The following PCSK5 variants were observed in gnomAD, a reference collection of about 807,000 sequenced individuals.
PCSK5 encodes prohormone convertase 5.
In PCSK5, 129 loss-of-function variants were observed where a neutral mutation model predicts 233.2. The observed-to-expected ratio is 0.55, with a 90% confidence interval of 0.48 to 0.64. The LOEUF (loss-of-function observed/expected upper bound fraction) is 0.64. PCSK5 is among the 30% of genes least tolerant of loss of function. The pLI, the probability that PCSK5 is intolerant of heterozygous loss-of-function variation, is 0.00. For synonymous variants in PCSK5, 825 were observed against 879.2 expected (o/e 0.94, Z 1.09); for missense variants, 2,076 against 2,430.1 (o/e 0.85, Z 3.06).
At chr9:76,090,756 A>T (rs1831252251) in intron 7 of PCSK5, among the ~76,000 whole-genome samples, 1 of 152,160 alleles carries the variant, frequency 6.6e-6, no homozygotes, top group Admixed American at 6.5e-5. Context: ...ATTCAAGCAC[A>T]TTACATTCAT....
intron 2 of PCSK5, among the ~76,000 whole-genome samples, chr9:75,938,098 T>C (rs754557687): frequency 1.3e-4 from 20 of 152,242 alleles, no homozygotes; most frequent in Non-Finnish European, 2.8e-4. Context: ...ACAGCTTGGC[T>C]GTTTGGCTCA....
intron 12 of PCSK5, among the ~76,000 whole-genome samples, chr9:76,164,256 C>T (rs1053111155): frequency 6.6e-5 from 10 of 152,196 alleles, no homozygotes; most frequent in Non-Finnish European, 1.2e-4. Context: ...CACCCAACCA[C>T]GTGAACCTTC....
chr9:76,205,501 C>CTTG (rs1825079380), intron 20 of PCSK5, among the ~76,000 whole-genome samples: 1 of 152,164 alleles, frequency 6.6e-6, no homozygotes, highest in Non-Finnish European at 1.5e-5. Context: ...AAACCCTCCT[C>CTTG]CAGAATCTAA....
intron 14 of PCSK5, among the ~76,000 whole-genome samples, chr9:76,177,056 G>A (rs529297278): frequency 1.4e-4 from 22 of 152,276 alleles, no homozygotes; most frequent in South Asian, 1.0e-3. Context: ...TTGGGAGGCC[G>A]AGGAGGGTGG....
At chr9:76,081,506 C>A (rs1228243782) in intron 7 of PCSK5, among the ~76,000 whole-genome samples, 5 of 150,208 alleles carry the variant, frequency 3.3e-5, no homozygotes, top group South Asian at 2.1e-4. Context: ...TAAATAAATA[C>A]ATAAAAGCAT....
intron 3 of PCSK5, among the ~76,000 whole-genome samples, chr9:76,017,902 G>A (rs1587503598): frequency 6.7e-6 from 1 of 149,778 alleles, no homozygotes; most frequent in African/African-American, 2.5e-5. Context: ...TCTCTACTTC[G>A]TATACCTCAA....
intron 2 of PCSK5, among the ~76,000 whole-genome samples, chr9:75,950,194 C>G (rs1252916299): frequency 6.7e-6 from 1 of 149,832 alleles, no homozygotes; most frequent in East Asian, 2.0e-4. Flanking sequence ...AGAGCTGCCA[C>G]AACAAGGGCC....
At position 76,353,669 on chromosome 9, in the gene PCSK5, G is replaced by T. The variant is rs10869763; in HGVS notation, c.5068-364G>T. 2.4e-3 allele frequency among the ~76,000 whole-genome samples: 365 copies of T among 152,094 alleles called. 4 individuals are homozygous for T. The highest frequency in any genetic ancestry group is 8.5e-3 in the African/African-American group (351 of 41,524). On this transcript the variant is annotated intron_variant, in intron 36 of 37. Transcript: ENST00000674117. Reference sequence around the variant, plus strand: ...GTGAAATATCCCACTTTTGAGATGCGGGAAATGAATGCAAAATATTTTAAA... The same window carrying T: ...GTGAAATATCCCACTTTTGAGATGCTGGAAATGAATGCAAAATATTTTAAA...
intron 20 of PCSK5, chr9:76,209,389 C>A: frequency 2.8e-6 from 1 of 358,562 alleles, no homozygotes. Flanking sequence ...CCGTACTAAT[C>A]ATGCAAAATT....
rs187108643 is a variant in PCSK5, at chr9:76,146,186, T to C, written c.1313-10859T>C. The stretch of plus-strand genomic sequence containing the variant: ...ATGGTATTATACCAGAAGACACAGT[T>C]CCCCCTGAAATTTCCAAAGTCATCC... On this transcript the variant is annotated intron_variant, in intron 10 of 37. Coordinates refer to ENST00000674117, the MANE Select transcript of PCSK5 (RefSeq NM_001372043.1). 3.3e-3 allele frequency among the ~76,000 whole-genome samples: 509 copies of C among 152,080 alleles called. 2 individuals are homozygous for C. Among genetic ancestry groups the C allele is most frequent in the African/African-American group, 0.01 (421 of 41,494 alleles).
chr9:76,186,294 G>T (rs946376131), intron 17 of PCSK5, among the ~76,000 whole-genome samples: 2 of 152,060 alleles, frequency 1.3e-5, no homozygotes, highest in African/African-American at 4.8e-5. Context: ...AGTTGAAAAA[G>T]AAAATTTTAC....
intron 17 of PCSK5, among the ~76,000 whole-genome samples, chr9:76,188,108 G>A (rs13295517): frequency 0.12 from 18,383 of 152,178 alleles, 1,484 homozygotes; most frequent in Admixed American, 0.19. Flanking sequence ...CAGGATGGTC[G>A]TACACTTTTA....
intron 24 of PCSK5, among the ~76,000 whole-genome samples, chr9:76,277,991 T>C (rs1266390407): frequency 3.3e-5 from 5 of 152,192 alleles, no homozygotes; most frequent in African/African-American, 1.2e-4. Context: ...TATGCATTAT[T>C]GACAATTTAC....
Position 75,975,118 on chromosome 9 carries a change from C to T in PCSK5, c.298-11014C>T, listed in dbSNP as rs909171485. On this transcript the variant is annotated intron_variant, in intron 2 of 37. Transcript: ENST00000674117. ...GCCTCTTACTTAAAAAGAGAAAGCG[C>T]AAAATGGATGAAATGAAAACTCCTG... Among the ~76,000 whole-genome samples the T allele has an allele frequency of 1.3e-5, 2 of 152,116 alleles. 1 individual carries two copies. Among genetic ancestry groups the T allele is most frequent in the Admixed American group, 1.3e-4 (2 of 15,276 alleles).
At chr9:76,084,674 T>C (rs1173670771) in intron 7 of PCSK5, among the ~76,000 whole-genome samples, 8 of 152,284 alleles carry the variant, frequency 5.3e-5, no homozygotes, top group African/African-American at 1.9e-4. Flanking sequence ...TTAGGTCAAG[T>C]TGAGGTCTTT....
intron 3 of PCSK5, among the ~76,000 whole-genome samples, chr9:75,989,565 C>T (rs990573525): frequency 1.3e-5 from 2 of 151,928 alleles, no homozygotes; most frequent in African/African-American, 4.8e-5. Context: ...GGGATGATGG[C>T]TTTCCTCTGT....
chr9:75,910,433 A>G (rs748950858), intron 1 of PCSK5, among the ~76,000 whole-genome samples: 11 of 152,216 alleles, frequency 7.2e-5, no homozygotes, highest in Non-Finnish European at 1.6e-4. Context: ...AAGAAACCCT[A>G]AAGGTCCTAG....
At position 76,189,074 on chromosome 9, in the gene PCSK5, G is replaced by A. The variant is rs1824239366; in HGVS notation, c.2381-20G>A. ...TCTGAGGTTTTATTTCTCGTTTCCTGTGTTTGTCTTGCTTTTAAGGGGCAG... is the reference window on the plus strand; with the variant it reads ...TCTGAGGTTTTATTTCTCGTTTCCTATGTTTGTCTTGCTTTTAAGGGGCAG... On this transcript the variant is annotated intron_variant, in intron 18 of 37. Transcript: ENST00000674117. 1 of 1,610,578 alleles carries A rather than the reference G, an allele frequency of 6.2e-7. No individual in the cohort carries two copies. The highest frequency in any genetic ancestry group is 1.1e-5 in the South Asian group (1 of 90,148).
At chr9:76,220,811 T>C (rs1413855514) in intron 20 of PCSK5, among the ~76,000 whole-genome samples, 1 of 152,188 alleles carries the variant, frequency 6.6e-6, no homozygotes, top group African/African-American at 2.4e-5. Flanking sequence ...AAGTACATGA[T>C]ACATTGTTAT....
Sources: allele counts gnomAD v4.1 joint callset (sites outside exome capture counted in the v4.1 genomes callset), GRCh38; gene constraint gnomAD v4.1.1; transcripts MANE v1.5; gene names NCBI Gene and HGNC (gene_info 2026-07-23, HGNC 2026-07-21).